PCCA: variants seen among roughly 807,000 people sequenced by gnomAD.
PCCA encodes the protein propionyl-CoA carboxylase subunit alpha.
Under a neutral mutation model 101.3 loss-of-function variants are expected in PCCA, and 74 were observed. That is an observed-to-expected ratio of 0.73 (90% CI 0.61 to 0.89). The LOEUF is 0.89. Among genes scored for constraint, PCCA ranks in the 40% least tolerant of loss-of-function variants. The pLI is 0.00. For synonymous variants in PCCA, 294 were observed against 313.6 expected, an observed-to-expected ratio of 0.94 and a Z score of 0.66; for missense variants, 891 against 907.0, an observed-to-expected ratio of 0.98 and a Z score of 0.23.
At chr13:100,104,195 A>C (rs1311859027) in intron 2 of PCCA, among the ~76,000 whole-genome samples, 4 of 152,316 alleles carry the variant, frequency 2.6e-5, no homozygotes, top group Admixed American at 2.0e-4. Flanking sequence ...GACATGTCTG[A>C]GGTATCTTCT....
At chr13:100,202,168 C>CAAAAAA (rs10678691) in intron 6 of PCCA, among the ~76,000 whole-genome samples, 14 of 96,794 alleles carry the variant, frequency 1.4e-4, no homozygotes, top group African/African-American at 4.5e-4. Context: ...CATCTCTACC[C>CAAAAAA]AAAAAAAAAA....
At chr13:100,276,061 A>G (rs1047755870) in intron 12 of PCCA, among the ~76,000 whole-genome samples, 11 of 152,008 alleles carry the variant, frequency 7.2e-5, no homozygotes, top group African/African-American at 2.4e-4. Context: ...TGCCTTGTTC[A>G]TGAAATGCGT....
chr13:100,269,389 G>A (rs536197514), intron 11 of PCCA, among the ~76,000 whole-genome samples: 2 of 152,208 alleles, frequency 1.3e-5, no homozygotes, highest in Non-Finnish European at 2.9e-5. Flanking sequence ...GGTACTTCAC[G>A]GGATTTCTGA....
intron 12 of PCCA, among the ~76,000 whole-genome samples, chr13:100,275,791 C>G (rs1449113177): frequency 6.6e-6 from 1 of 151,952 alleles, no homozygotes; most frequent in Admixed American, 6.6e-5. Context: ...CAACACACAT[C>G]CTTAATTTAT....
intron 6 of PCCA, among the ~76,000 whole-genome samples, chr13:100,193,546 G>A (rs1367343068): frequency 6.6e-6 from 1 of 152,142 alleles, no homozygotes; most frequent in South Asian, 2.1e-4. Flanking sequence ...TATGAAATAA[G>A]TAAATAAATA....
chr13:100,091,789 C>T (rs956117359), intron 1 of PCCA, among the ~76,000 whole-genome samples: 6 of 152,132 alleles, frequency 3.9e-5, no homozygotes, highest in Non-Finnish European at 8.8e-5. Flanking sequence ...TGTGTATCAG[C>T]TTTTTAAGCA....
intron 20 of PCCA, among the ~76,000 whole-genome samples, chr13:100,437,516 A>G (rs1009143115): frequency 3.4e-5 from 5 of 147,508 alleles, no homozygotes; most frequent in Admixed American, 6.8e-5. Context: ...TGAAATAACT[A>G]TTTTATATTT....
At chr13:100,321,126 A>C (rs2067991627) in intron 16 of PCCA, among the ~76,000 whole-genome samples, 1 of 152,138 alleles carries the variant, frequency 6.6e-6, no homozygotes, top group South Asian at 2.1e-4. Context: ...AATCTGTGTA[A>C]GTCTCAAATA....
chr13:100,402,357 G>A (rs190813804), intron 19 of PCCA, among the ~76,000 whole-genome samples: 9 of 151,924 alleles, frequency 5.9e-5, no homozygotes, highest in Non-Finnish European at 1.2e-4. Flanking sequence ...AGTGAGCCAC[G>A]ATGCTTGTGT....
At chr13:100,191,725 A>G (rs1485243174) in intron 6 of PCCA, among the ~76,000 whole-genome samples, 1 of 152,202 alleles carries the variant, frequency 6.6e-6, no homozygotes, top group East Asian at 1.9e-4. Flanking sequence ...TGTCAGTCAT[A>G]TTTCAAATGG....
In PCCA at chr13:100,394,672, A is replaced by G. The variant is rs1383734836; in HGVS notation, c.1746+26098A>G. ...TGACCCAAATAGTAATTGCATTTTG[A>G]TTCACTTTGCCTACAGTGCACAGGT... On this transcript the variant is annotated intron_variant, in intron 19 of 23. Coordinates refer to ENST00000376285, the MANE Select transcript of PCCA (RefSeq NM_000282.4). This position sits in a 1 kb window ranked among gnomAD's most constrained non-coding sequence, Gnocchi z 4.3. 6.6e-6 allele frequency among the ~76,000 whole-genome samples: 1 copy of G among 152,194 alleles called. No individual in the cohort carries two copies. The highest frequency in any genetic ancestry group is 1.5e-5 in the Non-Finnish European group (1 of 68,034).
intron 4 of PCCA, chr13:100,150,584 G>T: frequency 1.7e-6 from 2 of 1,209,952 alleles, no homozygotes; most frequent in Non-Finnish European, 1.2e-6. Context: ...AAGGGCCAGG[G>T]CTCTTTTGGC....
chr13:100,301,135 G>A (rs758612629), intron 12 of PCCA, among the ~76,000 whole-genome samples: 35 of 152,286 alleles, frequency 2.3e-4, no homozygotes, highest in Admixed American at 3.9e-4. Flanking sequence ...GAAGATTGCC[G>A]TGAAATAAAT....
At chr13:100,173,125 T>A (rs188852300) in intron 6 of PCCA, among the ~76,000 whole-genome samples, 7 of 152,356 alleles carry the variant, frequency 4.6e-5, no homozygotes, top group Admixed American at 4.6e-4. Context: ...CTGTAAAAGT[T>A]CTGCTTTCCT....
chr13:100,386,633 G>A (rs1052496377), intron 19 of PCCA, among the ~76,000 whole-genome samples: 7 of 152,138 alleles, frequency 4.6e-5, no homozygotes, highest in Non-Finnish European at 1.0e-4. Context: ...CACCCGCCTC[G>A]GCTTCCCAAG....
chr13:100,308,546 G>A (rs2066646767), intron 15 of PCCA, among the ~76,000 whole-genome samples: 1 of 151,208 alleles, frequency 6.6e-6, no homozygotes, highest in Non-Finnish European at 1.5e-5. Context: ...GGCTGATCTC[G>A]AATACCTGAG....
intron 19 of PCCA, among the ~76,000 whole-genome samples, chr13:100,395,205 G>A (rs1472355701): frequency 6.6e-6 from 1 of 152,172 alleles, no homozygotes; most frequent in Non-Finnish European, 1.5e-5. Context: ...AGATCACACT[G>A]AAAACACATA....
chr13:100,166,670 G>A (rs2055069231), intron 6 of PCCA, among the ~76,000 whole-genome samples: 1 of 152,044 alleles, frequency 6.6e-6, no homozygotes, highest in Non-Finnish European at 1.5e-5. Context: ...ATTTTTAGTA[G>A]CCATTCATCT....
At chr13:100,253,735 G>A (rs1265125017) in intron 8 of PCCA, among the ~76,000 whole-genome samples, 5 of 152,114 alleles carry the variant, frequency 3.3e-5, no homozygotes, top group African/African-American at 9.7e-5. Context: ...CTGTGTTGGA[G>A]GTTCAGTGTC....
Sources: gnomAD v4.1 joint callset for allele counts (sites outside exome capture counted in the v4.1 genomes callset) on GRCh38, gnomAD v4.1.1 for gene constraint, Gnocchi (gnomAD v3.1) non-coding constraint, MANE v1.5 for transcripts, NCBI Gene and HGNC (gene_info 2026-07-23, HGNC 2026-07-21) for gene names.